MEMO1: variants seen among roughly 807,000 people sequenced by gnomAD.
MEMO1 encodes the protein protein MEMO1.
MEMO1 carries 6 observed loss-of-function variants against 45.2 expected under a neutral mutation model. That is an observed-to-expected ratio of 0.13 (90% CI 0.07 to 0.26). The LOEUF is 0.26. MEMO1 is among the 10% of genes least tolerant of loss of function. The pLI, the probability that MEMO1 is intolerant of heterozygous loss-of-function variation, is 1.00. For synonymous variants in MEMO1, 78 were observed against 124.3 expected, an observed-to-expected ratio of 0.63 and a Z score of 2.48; for missense variants, 184 against 370.5, an observed-to-expected ratio of 0.50 and a Z score of 4.13.
chr2:32,001,926 T>A (rs531644745), intron 2 of MEMO1, among the ~76,000 whole-genome samples: 1 of 151,838 alleles, frequency 6.6e-6, no homozygotes, highest in South Asian at 2.1e-4. Context: ...GGAGGGTGGA[T>A]CACAAGGTCA....
At chr2:31,987,725 A>G (rs1346682767) in intron 2 of MEMO1, among the ~76,000 whole-genome samples, 1 of 152,186 alleles carries the variant, frequency 6.6e-6, no homozygotes, top group African/African-American at 2.4e-5. Context: ...GATAATGATG[A>G]TATCATCCTC....
intron 2 of MEMO1, among the ~76,000 whole-genome samples, chr2:31,946,002 A>G (rs1666152008): frequency 6.6e-6 from 1 of 152,200 alleles, no homozygotes; most frequent in African/African-American, 2.4e-5. Flanking sequence ...GCAATCTTTT[A>G]GCAGATTGCT....
intron 2 of MEMO1, among the ~76,000 whole-genome samples, chr2:32,007,558 T>G (rs1293222144): frequency 1.3e-5 from 2 of 152,234 alleles, no homozygotes; most frequent in East Asian, 3.8e-4. Flanking sequence ...ACTTTTTTTC[T>G]GAAATAGCTA....
chr2:31,969,017 T>A (rs186937662), intron 2 of MEMO1, among the ~76,000 whole-genome samples: 4 of 152,112 alleles, frequency 2.6e-5, no homozygotes. Context: ...GACTACCATA[T>A]GTGCATAATA....
chr2:31,982,650 T>G (rs1002431778), intron 2 of MEMO1, among the ~76,000 whole-genome samples: 3 of 151,564 alleles, frequency 2.0e-5, no homozygotes, highest in Non-Finnish European at 4.4e-5. Context: ...TACTTAACTT[T>G]GGGAAATGAT....
intron 6 of MEMO1, among the ~76,000 whole-genome samples, chr2:31,901,677 C>T (rs907130710): frequency 4.6e-5 from 7 of 151,698 alleles, no homozygotes; most frequent in East Asian, 1.9e-4. Flanking sequence ...GAGGCTGAGG[C>T]GGGCAGATTG....
intron 3 of MEMO1, among the ~76,000 whole-genome samples, chr2:31,939,711 C>T (rs1230265644): frequency 6.6e-6 from 1 of 152,136 alleles, no homozygotes; most frequent in Non-Finnish European, 1.5e-5. Context: ...TAAATGTCCC[C>T]TCTTATCCCT....
chr2:31,955,619 T>G (rs1667328976), intron 2 of MEMO1, among the ~76,000 whole-genome samples: 1 of 152,172 alleles, frequency 6.6e-6, no homozygotes, highest in African/African-American at 2.4e-5. Flanking sequence ...TTTTTTTTTC[T>G]TTTTTTGTGA....
chr2:31,928,174 A>C (rs952790563), intron 4 of MEMO1, among the ~76,000 whole-genome samples: 1 of 152,212 alleles, frequency 6.6e-6, no homozygotes, highest in African/African-American at 2.4e-5. Flanking sequence ...GTTTGTAAAC[A>C]ATCTTCATTA....
At chr2:31,981,285 C>G (rs1299349734) in intron 2 of MEMO1, among the ~76,000 whole-genome samples, 1 of 152,212 alleles carries the variant, frequency 6.6e-6, no homozygotes, top group Admixed American at 6.6e-5. Context: ...TCAATGACTG[C>G]CCATTTCCTC....
At chr2:31,995,987 C>A (rs1672547273) in intron 2 of MEMO1, among the ~76,000 whole-genome samples, 1 of 152,066 alleles carries the variant, frequency 6.6e-6, no homozygotes, top group African/African-American at 2.4e-5. Context: ...CTACAACACA[C>A]CAAAAACTTA....
chr2:31,923,505 A>G, intron 4 of MEMO1: 3 of 977,142 alleles, frequency 3.1e-6, no homozygotes, highest in Non-Finnish European at 4.1e-6. Flanking sequence ...AAAAGATAGC[A>G]CTCTGGTCAC....
At chr2:31,910,281 G>T (rs1244971111) in intron 6 of MEMO1, among the ~76,000 whole-genome samples, 3 of 152,122 alleles carry the variant, frequency 2.0e-5, no homozygotes, top group African/African-American at 4.8e-5. Context: ...CCTCAGAGAA[G>T]AGTAAGGATA....
At chr2:31,946,699 TA>T (rs752475531) in intron 2 of MEMO1, among the ~76,000 whole-genome samples, 1 of 151,912 alleles carries the variant, frequency 6.6e-6, no homozygotes, top group African/African-American at 2.4e-5. Flanking sequence ...CCATCTCTAC[TA>T]AAAATACAAA....
intron 2 of MEMO1, among the ~76,000 whole-genome samples, chr2:32,001,685 G>C (rs1673335958): frequency 6.6e-6 from 1 of 152,060 alleles, no homozygotes; most frequent in African/African-American, 2.4e-5. Context: ...GCTTTAGCCA[G>C]AAGTCCTGGG....
At chr2:31,940,638 C>G (rs1665502775) in intron 3 of MEMO1, among the ~76,000 whole-genome samples, 1 of 152,190 alleles carries the variant, frequency 6.6e-6, no homozygotes, top group African/African-American at 2.4e-5. Flanking sequence ...TCCCCCTGGG[C>G]TCAAGGGATC....
chr2:31,918,039 TAAAG>T lies in MEMO1; in HGVS notation c.326-6_326-3del. 2.5e-6 allele frequency: 4 copies of T among 1,596,886 alleles called. No homozygotes were observed. Among genetic ancestry groups the T allele is most frequent in the Non-Finnish European group, 2.6e-6 (3 of 1,168,236 alleles). ...CTGTCTTCCACAGTTCTCCGTAAAC[TAAAG>T]AGATTTCAAAATACAGTAAAATAAA... On this transcript the variant is annotated splice_region_variant and splice_polypyrimidine_tract_variant and intron_variant, in intron 5 of 9. Transcript: ENST00000404530.
At chr2:31,899,293 G>C (rs1397431097) in intron 6 of MEMO1, among the ~76,000 whole-genome samples, 1 of 152,018 alleles carries the variant, frequency 6.6e-6, no homozygotes, top group Non-Finnish European at 1.5e-5. Flanking sequence ...TATACTACAA[G>C]GCTACAGTAA....
At chr2:31,984,605 T>A (rs1465536327) in intron 2 of MEMO1, among the ~76,000 whole-genome samples, 2 of 152,242 alleles carry the variant, frequency 1.3e-5, no homozygotes, top group South Asian at 4.1e-4. Flanking sequence ...TCAAGAGCCA[T>A]CCTGGCTAAC....
Sources: allele counts gnomAD v4.1 joint callset (sites outside exome capture counted in the v4.1 genomes callset), GRCh38; gene constraint gnomAD v4.1.1; transcripts MANE v1.5; gene names NCBI Gene and HGNC (gene_info 2026-07-23, HGNC 2026-07-21).